MCTP1: variants seen among roughly 807,000 people sequenced by gnomAD.
The protein encoded by MCTP1 is multiple C2 and transmembrane domain containing 1.
A neutral mutation model predicts 120.6 loss-of-function variants in MCTP1; 69 were observed. The observed-to-expected ratio is 0.57, with a 90% confidence interval of 0.47 to 0.70. The LOEUF (loss-of-function observed/expected upper bound fraction) is 0.70, where lower values mean the gene tolerates loss of function less well. Ranked by LOEUF, MCTP1 falls within the 30% of genes least tolerant of loss-of-function variation. The pLI is 0.00. For missense variants in MCTP1, 1,203 were observed against 1,248.8 expected (o/e 0.96, Z 0.55); for synonymous variants, 529 against 493.1 (o/e 1.07, Z -0.96).
intron 1 of MCTP1, among the ~76,000 whole-genome samples, chr5:95,186,084 G>A (rs530156449): frequency 2.0e-5 from 3 of 151,782 alleles, no homozygotes; most frequent in Non-Finnish European, 4.4e-5. Context: ...GTGATGGAGC[G>A]ATACTCTGTC....
chr5:95,015,613 T>C (rs144088795), intron 2 of MCTP1, among the ~76,000 whole-genome samples: 1 of 152,284 alleles, frequency 6.6e-6, no homozygotes, highest in African/African-American at 2.4e-5. Context: ...CTTTCTTACA[T>C]AGAACGTTGC....
chr5:94,803,728 T>A (rs1389915116), intron 17 of MCTP1, among the ~76,000 whole-genome samples: 1 of 152,192 alleles, frequency 6.6e-6, no homozygotes, highest in East Asian at 1.9e-4. Flanking sequence ...AGAGCTATGC[T>A]AAAGAAGCCA....
intron 3 of MCTP1, among the ~76,000 whole-genome samples, chr5:94,947,577 T>TATATATATATATATATATATATAG: frequency 4.0e-4 from 19 of 47,390 alleles, no homozygotes; most frequent in Admixed American, 7.6e-4. Flanking sequence ...TATATATATA[T>TATATATATATATATATATATATAG]AGAGAGAGAG....
chr5:94,964,668 C>A (rs1355083364), intron 2 of MCTP1, among the ~76,000 whole-genome samples: 2 of 152,230 alleles, frequency 1.3e-5, no homozygotes, highest in East Asian at 1.9e-4. Context: ...CGCTTGCTCT[C>A]TTTTGGTTTC....
intron 10 of MCTP1, among the ~76,000 whole-genome samples, chr5:94,896,183 A>G (rs1043180087): frequency 1.3e-5 from 2 of 152,172 alleles, no homozygotes; most frequent in African/African-American, 2.4e-5. Context: ...GAGGTTAAAA[A>G]TTTTCACAGT....
chr5:94,777,433 A>G (rs977321923), intron 19 of MCTP1, among the ~76,000 whole-genome samples: 7 of 152,314 alleles, frequency 4.6e-5, no homozygotes, highest in East Asian at 3.9e-4. Flanking sequence ...GGGAGAGATT[A>G]GAAGTACAGA....
intron 17 of MCTP1, among the ~76,000 whole-genome samples, chr5:94,819,897 C>G (rs572032645): frequency 2.6e-5 from 4 of 152,188 alleles, no homozygotes; most frequent in Non-Finnish European, 5.9e-5. Flanking sequence ...ATAAGTTGCA[C>G]GAAGTCCTCT....
At chr5:95,276,251 ATTT>A (rs34667866) in intron 1 of MCTP1, among the ~76,000 whole-genome samples, 10 of 84,778 alleles carry the variant, frequency 1.2e-4, no homozygotes, top group African/African-American at 3.3e-4. Flanking sequence ...CAATATTGGG[ATTT>A]TTTTTTTTTT....
At chr5:94,861,981 A>G (rs1581083574) in intron 17 of MCTP1, among the ~76,000 whole-genome samples, 1 of 151,800 alleles carries the variant, frequency 6.6e-6, no homozygotes, top group East Asian at 1.9e-4. Context: ...ACTTTTATTG[A>G]TAGCACCATT....
intron 1 of MCTP1, among the ~76,000 whole-genome samples, chr5:95,087,960 T>C (rs937203937): frequency 1.3e-5 from 2 of 152,170 alleles, no homozygotes; most frequent in African/African-American, 4.8e-5. Context: ...GACAGCCGGG[T>C]TAGCGATTTG....
At chr5:94,750,142 TAC>T (rs1245250473) in intron 19 of MCTP1, among the ~76,000 whole-genome samples, 2 of 152,144 alleles carry the variant, frequency 1.3e-5, no homozygotes, top group Non-Finnish European at 2.9e-5. Context: ...GCTGACATAT[TAC>T]AGAGTACATC....
At chr5:95,243,491 T>G (rs1756398900) in intron 1 of MCTP1, among the ~76,000 whole-genome samples, 1 of 152,040 alleles carries the variant, frequency 6.6e-6, no homozygotes, top group Non-Finnish European at 1.5e-5. Context: ...TGTTGAGAAA[T>G]AAGATAGGTA....
chr5:95,214,688 G>A (rs251097), intron 1 of MCTP1, among the ~76,000 whole-genome samples: 1 of 152,028 alleles, frequency 6.6e-6, no homozygotes, highest in African/African-American at 2.4e-5. Flanking sequence ...TGCAGCCATA[G>A]AAAATGATGA....
rs73140101 is a variant in MCTP1, at chr5:95,196,020, G to A, written c.720+87836C>T. Among the ~76,000 whole-genome samples the A allele has an allele frequency of 2.1e-3, 324 of 152,106 alleles. 4 individuals are homozygous for A. The highest frequency in any genetic ancestry group is 7.5e-3 in the African/African-American group (311 of 41,498). Reference sequence around the variant, plus strand: ...CCCGCCTTTCTAAAATCTCTACACTGGGCCAAATAGGAGACCACTGAGCTT... The same window carrying A: ...CCCGCCTTTCTAAAATCTCTACACTAGGCCAAATAGGAGACCACTGAGCTT... On this transcript the variant is annotated intron_variant, in intron 1 of 22. Transcript: ENST00000515393.
chr5:95,228,671 T>G (rs1188571152), intron 1 of MCTP1, among the ~76,000 whole-genome samples: 2 of 152,216 alleles, frequency 1.3e-5, no homozygotes, highest in African/African-American at 4.8e-5. Flanking sequence ...TAGGGCCTGG[T>G]GGGAGGTGAT....
chr5:94,976,259 T>C (rs1828072167), intron 2 of MCTP1, among the ~76,000 whole-genome samples: 1 of 152,146 alleles, frequency 6.6e-6, no homozygotes, highest in South Asian at 2.1e-4. Flanking sequence ...GTCCTCGCTT[T>C]AGCCAACATG....
intron 1 of MCTP1, among the ~76,000 whole-genome samples, chr5:95,223,522 G>A (rs1363517637): frequency 6.6e-6 from 1 of 151,968 alleles, no homozygotes; most frequent in African/African-American, 2.4e-5. Context: ...CTTTAAGGGG[G>A]AGTGGACCAG....
chr5:95,171,686 T>G (rs913210055), intron 1 of MCTP1, among the ~76,000 whole-genome samples: 8 of 152,202 alleles, frequency 5.3e-5, no homozygotes, highest in Non-Finnish European at 1.0e-4. Context: ...GTACCCTTTC[T>G]TCCAGTTGAT....
intron 2 of MCTP1, among the ~76,000 whole-genome samples, chr5:95,016,918 A>G (rs573455832): frequency 6.6e-5 from 10 of 152,254 alleles, no homozygotes; most frequent in African/African-American, 2.4e-4. Context: ...CCAGGCCTCA[A>G]AAGATCACTT....
Sources: allele counts gnomAD v4.1 joint callset (sites outside exome capture counted in the v4.1 genomes callset), GRCh38; gene constraint gnomAD v4.1.1; transcripts MANE v1.5; gene names NCBI Gene and HGNC (gene_info 2026-07-23, HGNC 2026-07-21).